Variants in DDHD1 observed in about 807,000 individuals in gnomAD.
DDHD1 encodes the protein phospholipase DDHD1.
Under a neutral mutation model 96.4 loss-of-function variants are expected in DDHD1, and 49 were observed. That is an observed-to-expected ratio of 0.51 (90% CI 0.40 to 0.64). DDHD1 has a LOEUF of 0.64. DDHD1 is among the 30% of genes least tolerant of loss of function. The pLI is 0.00. For missense variants in DDHD1, 1,106 were observed against 1,161.2 expected (o/e 0.95, Z 0.69); for synonymous variants, 442 against 446.5 (o/e 0.99, Z 0.13).
In DDHD1 at chr14:53,036,764, T is replaced by G. The variant is rs1025454537; in HGVS notation, c.*10004A>C. ...ATTATTGAGAAACATATTGCTTTTG[T>G]GTTTTTTAATAAAAAATATTTCAAC... On this transcript the variant is annotated 3_prime_UTR_variant, in exon 13 of 13. Transcript: ENST00000673822. The G allele has an allele frequency of 3.3e-5, 5 of 152,158 alleles. No homozygotes were observed. The highest frequency in any genetic ancestry group is 7.4e-5 in the Non-Finnish European group (5 of 68,026). The allele number at this position is 152,158 out of a possible 1,614,324, so 9.4% of individuals were successfully genotyped here. A position where few individuals can be genotyped will look rare whatever the true frequency, so the allele number is the denominator to read the frequency against.
intron 1 of DDHD1, among the ~76,000 whole-genome samples, chr14:53,127,676 G>A (rs1889553638): frequency 6.6e-6 from 1 of 152,164 alleles, no homozygotes; most frequent in Non-Finnish European, 1.5e-5. Context: ...GGAGAAGGAA[G>A]CCCAGAGAAT....
At position 53,153,187 on chromosome 14, in the gene DDHD1, A is replaced by C; in HGVS notation, c.-89T>G. 6 of 1,151,004 alleles carry C rather than the reference A, an allele frequency of 5.2e-6. No homozygotes were observed. Among genetic ancestry groups the C allele is most frequent in the African/African-American group, 1.6e-5 (1 of 60,738 alleles). 71.3% of individuals were successfully genotyped at this position (1,151,004 alleles called of 1,614,324 possible). On this transcript the variant is annotated 5_prime_UTR_variant, in exon 1 of 13. Transcript: ENST00000673822. ...CACATTCAACGCCGCCGCCCTCTCC[A>C]CCCGAAGTTTCTAATCTTTCAAATC...
At chr14:53,135,781 A>C (rs1004450657) in intron 1 of DDHD1, among the ~76,000 whole-genome samples, 2 of 152,252 alleles carry the variant, frequency 1.3e-5, no homozygotes, top group Non-Finnish European at 2.9e-5. Flanking sequence ...TAATGGATTT[A>C]ATATCTCACC....
intron 3 of DDHD1, 160 bp from the exon 4 acceptor site, chr14:53,092,092 C>A: frequency 1.8e-6 from 1 of 571,264 alleles, no homozygotes; most frequent in South Asian, 3.5e-5. Context: ...TATTGATCAG[C>A]TGTGATATAA....
At chr14:53,115,937 T>C (rs998583781) in intron 1 of DDHD1, among the ~76,000 whole-genome samples, 1 of 152,026 alleles carries the variant, frequency 6.6e-6, no homozygotes, top group Non-Finnish European at 1.5e-5. Context: ...ACTGGAAAAC[T>C]GGATAGAGTC....
Position 53,153,067 on chromosome 14 carries a change from C to T in DDHD1, c.32G>A (p.Ser11Asn). The T allele has an allele frequency of 6.8e-7, 1 of 1,467,410 alleles. No homozygotes were observed. The highest frequency in any genetic ancestry group is 8.9e-7 in the Non-Finnish European group (1 of 1,119,400). 90.9% of individuals were successfully genotyped at this position (1,467,410 alleles called of 1,614,324 possible). A position where few individuals can be genotyped will look rare whatever the true frequency, so the allele number is the denominator to read the frequency against. The change falls in exon 1 of 13, where the codon AGC (serine) becomes AAC (asparagine). Residue 11 changes from serine (S) to asparagine (N), a missense_variant. Physicochemically the swap from Ser to Asn is conservative, Grantham distance 46. Transcript: ENST00000673822. Reference sequence around the variant, plus strand: ...GCCGCCTCGGCCGTTATGCTCGGGGCTCCGTGGGGACCCGCGGCCCGGGTA... The same window carrying T: ...GCCGCCTCGGCCGTTATGCTCGGGGTTCCGTGGGGACCCGCGGCCCGGGTA... The part of the protein sequence containing the change: MNYPGRGSPR[S>N]PEHNGRGGGG...
At chr14:53,074,103 G>A (rs546362070) in intron 4 of DDHD1, among the ~76,000 whole-genome samples, 2 of 152,030 alleles carry the variant, frequency 1.3e-5, no homozygotes, top group Admixed American at 6.6e-5. Context: ...ATAATTATAT[G>A]TAAGAATTTT....
intron 9 of DDHD1, 94 bp downstream of exon 9, chr14:53,058,383 G>A: frequency 7.1e-7 from 1 of 1,401,210 alleles, no homozygotes; most frequent in Admixed American, 2.3e-5. Context: ...CCAAAGTGCT[G>A]GGATTACAAG....
chr14:53,138,279 T>A (rs1214218373), intron 1 of DDHD1, among the ~76,000 whole-genome samples: 1 of 151,744 alleles, frequency 6.6e-6, no homozygotes, highest in African/African-American at 2.4e-5. Context: ...GTGGTGCACA[T>A]CTATAATCCC....
At position 53,045,200 on chromosome 14, in the gene DDHD1, T is replaced by C. The variant is rs1286930908; in HGVS notation, c.*1568A>G. Reference sequence around the variant, plus strand: ...TCATTGAACAGCATATAAAAGAATATGGCCTGGCTTCAACCCAAGCTTTTC... The same window carrying C: ...TCATTGAACAGCATATAAAAGAATACGGCCTGGCTTCAACCCAAGCTTTTC... On this transcript the variant is annotated 3_prime_UTR_variant, in exon 13 of 13. Coordinates refer to ENST00000673822, the MANE Select transcript of DDHD1 (RefSeq NM_001160148.2). 2.0e-5 allele frequency: 3 copies of C among 152,490 alleles called. No homozygotes were observed. In the East Asian group the frequency reaches 5.8e-4, roughly 29 times the overall value. The allele number at this position is 152,490 out of a possible 1,614,324, so 9.4% of individuals were successfully genotyped here.
At position 53,073,740 on chromosome 14, in the gene DDHD1, C is replaced by A; in HGVS notation, c.1396+1G>T. The A allele has an allele frequency of 1.2e-6, 2 of 1,602,638 alleles. No homozygotes were observed. Among genetic ancestry groups the A allele is most frequent in the Non-Finnish European group, 8.5e-7 (1 of 1,174,370 alleles). On this transcript the variant is annotated splice_donor_variant, in intron 5 of 12. Transcript: ENST00000673822. LOFTEE classifies it high-confidence loss of function. ...ATCATTCAATTTTTAAATAAATATA[C>A]CTCCATCAAGAGTAAGTTTTGACCG...
intron 1 of DDHD1, among the ~76,000 whole-genome samples, chr14:53,110,925 G>C (rs1330077851): frequency 6.6e-6 from 1 of 152,144 alleles, no homozygotes; most frequent in Non-Finnish European, 1.5e-5. Flanking sequence ...GCAGTGAGCT[G>C]AGATCACACC....
rs1003341123 is a variant in DDHD1, at chr14:53,039,211, G to A, written c.*7557C>T. 3 of 152,172 alleles carry A rather than the reference G, an allele frequency of 2.0e-5. No homozygotes were observed. The highest frequency in any genetic ancestry group is 7.2e-5 in the African/African-American group (3 of 41,448). The allele number at this position is 152,172 out of a possible 1,614,324, so 9.4% of individuals were successfully genotyped here. ...TGTATGCTTCCTTTTCATGGCAGAT[G>A]CACATAATCCATGTCACAGGAAAGG... On this transcript the variant is annotated 3_prime_UTR_variant, in exon 13 of 13. Coordinates refer to ENST00000673822, the MANE Select transcript of DDHD1 (RefSeq NM_001160148.2).
intron 4 of DDHD1, among the ~76,000 whole-genome samples, chr14:53,079,690 T>C (rs527482345): frequency 1.1e-4 from 16 of 152,338 alleles, no homozygotes; most frequent in Non-Finnish European, 2.1e-4. Flanking sequence ...ACTTTGTGGA[T>C]CTTTTCAAAG....
chr14:53,100,308 T>A (rs1285012010), intron 2 of DDHD1, among the ~76,000 whole-genome samples: 1 of 151,848 alleles, frequency 6.6e-6, no homozygotes, highest in Non-Finnish European at 1.5e-5. Flanking sequence ...AGACCCTGTC[T>A]CTACAAAAAA....
Position 53,087,765 on chromosome 14 carries a change from A to G in DDHD1, c.1289+4020T>C, listed in dbSNP as rs559537648. Among the ~76,000 whole-genome samples the G allele has an allele frequency of 3.3e-5, 5 of 152,334 alleles. No individual in the cohort carries two copies. In the South Asian group the frequency reaches 8.3e-4, roughly 25 times the overall value. On this transcript the variant is annotated intron_variant, in intron 4 of 12. Transcript: ENST00000673822. ...GAATTAAAAGAACTAGAGAAGCAAG[A>G]GGAAACAAATTCAAAATATAGCAGA...
At position 53,043,274 on chromosome 14, in the gene DDHD1, T is replaced by C. The variant is rs1881779395; in HGVS notation, c.*3494A>G. 1 of 152,202 alleles carries C rather than the reference T, an allele frequency of 6.6e-6. No homozygotes were observed. The highest frequency in any genetic ancestry group is 1.5e-5 in the Non-Finnish European group (1 of 68,038). The allele number at this position is 152,202 out of a possible 1,614,324, so 9.4% of individuals were successfully genotyped here. A position where few individuals can be genotyped will look rare whatever the true frequency, so the allele number is the denominator to read the frequency against. ...AGGCCTTTAGCGTGAGTATTCAGCATGAAGCATGTTCAGTGTGAGTACTTC... is the reference window on the plus strand; with the variant it reads ...AGGCCTTTAGCGTGAGTATTCAGCACGAAGCATGTTCAGTGTGAGTACTTC... On this transcript the variant is annotated 3_prime_UTR_variant, in exon 13 of 13. Coordinates refer to ENST00000673822, the MANE Select transcript of DDHD1 (RefSeq NM_001160148.2).
intron 4 of DDHD1, among the ~76,000 whole-genome samples, chr14:53,077,669 G>GTTTTTT (rs869283263): frequency 2.7e-5 from 1 of 37,398 alleles, no homozygotes; most frequent in Admixed American, 4.1e-4. Flanking sequence ...TTTTGTTTTT[G>GTTTTTT]TTTTTTTTTT....
At chr14:53,075,973 G>A (rs570273007) in intron 4 of DDHD1, among the ~76,000 whole-genome samples, 20 of 152,112 alleles carry the variant, frequency 1.3e-4, no homozygotes, top group South Asian at 4.2e-4. Flanking sequence ...GTTACTGCCC[G>A]CTGACAATGT....
Sources: allele counts gnomAD v4.1 joint callset (sites outside exome capture counted in the v4.1 genomes callset), GRCh38; gene constraint gnomAD v4.1.1; transcripts MANE v1.5; gene names NCBI Gene and HGNC (gene_info 2026-07-23, HGNC 2026-07-21).